Variants in DENND1A observed in about 807,000 individuals in gnomAD.
DENND1A encodes DENN domain containing 1A, also known as DENN domain-containing protein 1A.
A neutral mutation model predicts 113.7 loss-of-function variants in DENND1A; 51 were observed. That is an observed-to-expected ratio of 0.45 (90% CI 0.36 to 0.57). The LOEUF is 0.57. DENND1A is among the 20% of genes least tolerant of loss of function. The probability of loss-of-function intolerance (pLI) is 0.00; values close to 1 mark genes in which losing one functional copy is unlikely to be tolerated. For synonymous variants in DENND1A, 565 were observed against 570.8 expected (o/e 0.99, Z 0.14); for missense variants, 1,258 against 1,395.9 (o/e 0.90, Z 1.57).
intron 13 of DENND1A, among the ~76,000 whole-genome samples, chr9:123,464,550 G>A (rs1027206034): frequency 6.6e-6 from 1 of 152,196 alleles, no homozygotes; most frequent in Non-Finnish European, 1.5e-5. Flanking sequence ...CACAGAGACA[G>A]AAAGAATGGT....
At chr9:123,824,908 T>G (rs951395724) in intron 2 of DENND1A, among the ~76,000 whole-genome samples, 1 of 152,200 alleles carries the variant, frequency 6.6e-6, no homozygotes, top group Non-Finnish European at 1.5e-5. Context: ...TCTTATAAAT[T>G]TTATTTAAAG....
chr9:123,892,606 T>C (rs1850092342), intron 1 of DENND1A, among the ~76,000 whole-genome samples: 1 of 152,212 alleles, frequency 6.6e-6, no homozygotes, highest in Non-Finnish European at 1.5e-5. Context: ...AGCTAATACA[T>C]GTGGGGCTTA....
chr9:123,609,749 C>A (rs1455370360), intron 10 of DENND1A, among the ~76,000 whole-genome samples: 1 of 152,184 alleles, frequency 6.6e-6, no homozygotes, highest in East Asian at 1.9e-4. Context: ...GGCTCTGCAA[C>A]TGCACAGCCT....
At chr9:123,611,247 A>T (rs1482561847) in intron 10 of DENND1A, among the ~76,000 whole-genome samples, 1 of 152,126 alleles carries the variant, frequency 6.6e-6, no homozygotes. Flanking sequence ...GGGGCAAGGA[A>T]ATGCCCTGTG....
rs192566828 is a variant in DENND1A, at chr9:123,575,462, C to A, written c.867+7707G>T. ...GCAGAATGTTCCCAAATTTGAATTT[C>A]TCAGAAGTCTCTGCATGATTAGAGT... is the stretch of plus-strand genomic sequence containing the variant. On this transcript the variant is annotated intron_variant, in intron 12 of 23. Coordinates refer to ENST00000394215, the MANE Select transcript of DENND1A (RefSeq NM_001352964.2). Among the ~76,000 whole-genome samples, 31 of 152,294 alleles carry A rather than the reference C, an allele frequency of 2.0e-4. No homozygotes were observed. The East Asian group carries it at 5.0e-3, about 25-fold the overall frequency.
At chr9:123,519,878 G>C (rs982714382) in intron 13 of DENND1A, among the ~76,000 whole-genome samples, 4 of 152,062 alleles carry the variant, frequency 2.6e-5, no homozygotes, top group Non-Finnish European at 5.9e-5. Flanking sequence ...GAAATACCCA[G>C]GCTGGGCGCG....
In DENND1A at chr9:123,414,555, C is replaced by T. The variant is rs1275488490; in HGVS notation, c.1489-2726G>A. ...GCCAGGCAAATCTGAGAAATGCTGTCTTCTGTCTTGCTCCTTTTGGGGATT... is the reference window on the plus strand; with the variant it reads ...GCCAGGCAAATCTGAGAAATGCTGTTTTCTGTCTTGCTCCTTTTGGGGATT... On this transcript the variant is annotated intron_variant, in intron 19 of 23. Transcript: ENST00000394215. 3.2e-6 allele frequency: 5 copies of T among 1,550,456 alleles called. No homozygotes were observed. In the South Asian group the frequency reaches 5.9e-5, roughly 18 times the overall value.
At chr9:123,403,648 A>G (rs976722861) in intron 20 of DENND1A, 158 bp from the exon 21 acceptor site, 10 of 642,794 alleles carry the variant, frequency 1.6e-5, no homozygotes, top group East Asian at 1.1e-4. Flanking sequence ...AAACATCACC[A>G]TCTAATAGGC....
chr9:123,598,456 C>CAA (rs780473231), intron 11 of DENND1A, among the ~76,000 whole-genome samples: 3,919 of 59,234 alleles, frequency 0.066, 79 homozygotes, highest in Non-Finnish European at 0.084. Context: ...TCACAAATCT[C>CAA]AAAAAAAAAA....
At chr9:123,398,152 T>C (rs929720908) in intron 21 of DENND1A, among the ~76,000 whole-genome samples, 1 of 152,142 alleles carries the variant, frequency 6.6e-6, no homozygotes, top group Non-Finnish European at 1.5e-5. Flanking sequence ...TGTAATTATC[T>C]CCCTCCATAC....
chr9:123,719,135 C>T (rs1197737140), intron 5 of DENND1A, among the ~76,000 whole-genome samples: 1 of 152,208 alleles, frequency 6.6e-6, no homozygotes, highest in Non-Finnish European at 1.5e-5. Flanking sequence ...GTCCATTAAA[C>T]CTCTTTTTCT....
intron 13 of DENND1A, among the ~76,000 whole-genome samples, chr9:123,533,235 G>T (rs2055472790): frequency 6.6e-6 from 1 of 152,160 alleles, no homozygotes; most frequent in Admixed American, 6.5e-5. Flanking sequence ...GCACATAGAA[G>T]GTGCTCAAGA....
intron 13 of DENND1A, among the ~76,000 whole-genome samples, chr9:123,505,647 A>T (rs2052861412): frequency 6.6e-6 from 1 of 152,186 alleles, no homozygotes; most frequent in South Asian, 2.1e-4. Context: ...ATGAGGAGCC[A>T]TTTGGCTTCA....
chr9:123,636,400 T>C (rs1051890164), intron 9 of DENND1A, among the ~76,000 whole-genome samples: 3 of 151,788 alleles, frequency 2.0e-5, no homozygotes, highest in Non-Finnish European at 4.4e-5. Context: ...CACTGCAACC[T>C]CTGCCTCCCA....
intron 10 of DENND1A, among the ~76,000 whole-genome samples, chr9:123,629,263 T>C (rs1301759374): frequency 1.3e-5 from 2 of 152,224 alleles, no homozygotes; most frequent in Non-Finnish European, 2.9e-5. Context: ...TCCCTTCTCC[T>C]GAAGCTCTCA....
intron 10 of DENND1A, among the ~76,000 whole-genome samples, chr9:123,614,247 T>G (rs761396244): frequency 6.6e-6 from 1 of 152,148 alleles, no homozygotes; most frequent in Non-Finnish European, 1.5e-5. Flanking sequence ...GCTCTGCACA[T>G]GAGGTCACAC....
At chr9:123,454,714 G>T (rs1273297543) in intron 16 of DENND1A, 25 bp downstream of exon 16, 3 of 1,552,696 alleles carry the variant, frequency 1.9e-6, no homozygotes, top group Non-Finnish European at 2.6e-6. Flanking sequence ...GAGTCCAGGG[G>T]GCTCTGAATT....
intron 2 of DENND1A, among the ~76,000 whole-genome samples, chr9:123,819,255 C>A (rs1838071336): frequency 6.6e-6 from 1 of 152,186 alleles, no homozygotes; most frequent in African/African-American, 2.4e-5. Flanking sequence ...CATGCACACA[C>A]ACAAAAGTAT....
chr9:123,625,237 G>A (rs901382717), intron 10 of DENND1A, among the ~76,000 whole-genome samples: 3 of 152,174 alleles, frequency 2.0e-5, no homozygotes, highest in Non-Finnish European at 2.9e-5. Context: ...AATCATCTGC[G>A]AAATGGGGTT....
Sources: gnomAD v4.1 joint callset for allele counts (sites outside exome capture counted in the v4.1 genomes callset) on GRCh38, gnomAD v4.1.1 for gene constraint, MANE v1.5 for transcripts, NCBI Gene and HGNC (gene_info 2026-07-23, HGNC 2026-07-21) for gene names.